NSMCE4A: variants seen among roughly 807,000 people sequenced by gnomAD.
NSMCE4A encodes non-structural maintenance of chromosomes element 4 homolog A.
A neutral mutation model predicts 47.9 loss-of-function variants in NSMCE4A; 40 were observed. That is an observed-to-expected ratio of 0.83 (90% CI 0.65 to 1.09). The LOEUF is 1.09. Among genes scored for constraint, NSMCE4A ranks in the 50% least tolerant of loss-of-function variants. NSMCE4A has a pLI of 0.00. For missense variants in NSMCE4A, 500 were observed against 507.0 expected, an observed-to-expected ratio of 0.99 and a Z score of 0.13; for synonymous variants, 166 against 178.5, an observed-to-expected ratio of 0.93 and a Z score of 0.56.
At chr10:121,969,993 G>A (rs1176447375) in intron 3 of NSMCE4A, among the ~76,000 whole-genome samples, 1 of 152,088 alleles carries the variant, frequency 6.6e-6, no homozygotes, top group East Asian at 1.9e-4. Context: ...TGGGATTACA[G>A]GCGTGAGCCA....
At chr10:121,963,589 C>G (rs572425949) in intron 5 of NSMCE4A, among the ~76,000 whole-genome samples, 1 of 134,950 alleles carries the variant, frequency 7.4e-6, no homozygotes, top group African/African-American at 2.6e-5. Flanking sequence ...CACCACTACA[C>G]CTGGCTAATT....
intron 7 of NSMCE4A, 72 bp downstream of exon 7, chr10:121,961,351 C>G: frequency 9.4e-7 from 1 of 1,064,292 alleles, no homozygotes; most frequent in Non-Finnish European, 1.3e-6. Context: ...TGCCAGCTCC[C>G]TTCTACAGCT....
chr10:121,963,330 T>A lies in NSMCE4A; in HGVS notation c.754-2A>T. ...ATGAGATTCTTCCATTCTTCTTAAC[T>A]GAAAAAAGTCATTATCAAGCTGACA... On this transcript the variant is annotated splice_acceptor_variant, in intron 5 of 10. Transcript: ENST00000369023. LOFTEE classifies it high-confidence loss of function. The A allele has an allele frequency of 6.3e-7, 1 of 1,584,924 alleles. No homozygotes were observed. Among genetic ancestry groups the A allele is most frequent in the Non-Finnish European group, 8.7e-7 (1 of 1,155,364 alleles).
intron 6 of NSMCE4A, 58 bp downstream of exon 6, chr10:121,963,180 G>C (rs1215409586): frequency 9.9e-7 from 1 of 1,006,850 alleles, no homozygotes; most frequent in Non-Finnish European, 1.5e-6. Context: ...TTAAATACAA[G>C]TAACCTCAGT....
intron 10 of NSMCE4A, 27 bp downstream of exon 10, chr10:121,959,297 G>A (rs1310045664): frequency 1.9e-6 from 3 of 1,573,700 alleles, no homozygotes; most frequent in Admixed American, 3.3e-5. Context: ...TAATAGAACT[G>A]TGTAGCCATC....
chr10:121,968,550 A>C (rs577809467), intron 3 of NSMCE4A, among the ~76,000 whole-genome samples: 5 of 152,296 alleles, frequency 3.3e-5, no homozygotes, highest in African/African-American at 9.6e-5. Flanking sequence ...GGCTCATCTT[A>C]AAATTGCCTT....
At chr10:121,958,963 T>C (rs901136963) in intron 10 of NSMCE4A, among the ~76,000 whole-genome samples, 1 of 152,084 alleles carries the variant, frequency 6.6e-6, no homozygotes, top group African/African-American at 2.4e-5. Flanking sequence ...TACAGGTGCA[T>C]GCCACCACGC....
chr10:121,962,246 G>C (rs1434328422), intron 6 of NSMCE4A: 1 of 195,198 alleles, frequency 5.1e-6, no homozygotes, highest in Non-Finnish European at 1.1e-5. Flanking sequence ...GTGAAACCCA[G>C]GTTCTACTAA....
intron 3 of NSMCE4A, among the ~76,000 whole-genome samples, chr10:121,968,332 AT>A (rs1285829480): frequency 1.3e-5 from 2 of 152,288 alleles, no homozygotes; most frequent in Non-Finnish European, 2.9e-5. Context: ...GCCCCCTGGG[AT>A]TTTTTGTATC....
chr10:121,964,970 G>A lies in NSMCE4A; in HGVS notation c.753+316C>T, dbSNP rs75087964. Reference sequence around the variant, plus strand: ...GGGCTATTAGCATATAACAGGTAGAGGCTGGGGATGCCGCTAAGCATCCTA... The same window carrying A: ...GGGCTATTAGCATATAACAGGTAGAAGCTGGGGATGCCGCTAAGCATCCTA... On this transcript the variant is annotated intron_variant, in intron 5 of 10. Coordinates refer to ENST00000369023, the MANE Select transcript of NSMCE4A (RefSeq NM_017615.3). 1.3e-3 allele frequency among the ~76,000 whole-genome samples: 202 copies of A among 152,246 alleles called. 3 individuals are homozygous for A. In the East Asian group the frequency reaches 0.033, roughly 25 times the overall value.
intron 1 of NSMCE4A, 80 bp from the exon 2 acceptor site, chr10:121,974,161 G>A (rs1187185017): frequency 7.3e-7 from 1 of 1,367,396 alleles, no homozygotes; most frequent in African/African-American, 1.4e-5. Flanking sequence ...ACCTGCAACA[G>A]TAAAGCCAAG....
At chr10:121,972,249 G>A (rs180929095) in intron 2 of NSMCE4A, among the ~76,000 whole-genome samples, 4 of 152,134 alleles carry the variant, frequency 2.6e-5, no homozygotes, top group African/African-American at 7.2e-5. Flanking sequence ...TTTAACCTGG[G>A]GGGGGCAGAG....
In NSMCE4A at chr10:121,974,018, GTGTT is replaced by G. The variant is rs1565001152; in HGVS notation, c.352_355del (p.Asn118LeufsTer37). 6.3e-7 allele frequency: 1 copy of G among 1,598,364 alleles called. No individual in the cohort carries two copies. Among genetic ancestry groups the G allele is most frequent in the Non-Finnish European group, 8.6e-7 (1 of 1,169,056 alleles). On this transcript the variant is annotated frameshift_variant, in exon 2 of 11. Transcript: ENST00000369023. LOFTEE classifies it high-confidence loss of function. ...TAACAAATTACCTTCATTAAACAGA[GTGTT>G]AGCCTCTTCAAGGACCTCTGTTAAT... is the stretch of plus-strand genomic sequence containing the variant.
chr10:121,961,441 A>G lies in NSMCE4A; in HGVS notation c.921T>C (p.His307=), dbSNP rs188519981. 1,364 of 1,572,406 alleles carry G rather than the reference A, an allele frequency of 8.7e-4. 23 individuals carry two copies. The East Asian group carries it at 0.025, about 29-fold the overall frequency. The change falls in exon 7 of 11, where the codon CAT becomes CAC. Residue 307 remains histidine (H), a synonymous_variant. Coordinates refer to ENST00000369023, the MANE Select transcript of NSMCE4A (RefSeq NM_017615.3). ...SFPRTVENIF[H]VSFIIRDGFA... ...ATCTTACCCGTATAATGAAGGAAAC[A>G]TGAAAGATGTTTTCCACTGTACGGG...
intron 6 of NSMCE4A, 75 bp from the exon 7 acceptor site, chr10:121,961,592 A>T: frequency 1.1e-6 from 1 of 891,484 alleles, no homozygotes; most frequent in Non-Finnish European, 1.7e-6. Context: ...TTAGCCAGAG[A>T]CAAAGAAAGG....
chr10:121,963,636 C>G (rs548050763), intron 5 of NSMCE4A, among the ~76,000 whole-genome samples: 1 of 150,188 alleles, frequency 6.7e-6, no homozygotes, highest in African/African-American at 2.4e-5. Flanking sequence ...GTCTAAGACA[C>G]CTGGCTAATT....
At chr10:121,969,323 G>A (rs1952662894) in intron 3 of NSMCE4A, among the ~76,000 whole-genome samples, 1 of 151,904 alleles carries the variant, frequency 6.6e-6, no homozygotes, top group Admixed American at 6.6e-5. Context: ...CAACACTCCA[G>A]CATGGGCAAC....
At chr10:121,971,496 G>A (rs1311813428) in intron 2 of NSMCE4A, among the ~76,000 whole-genome samples, 1 of 151,810 alleles carries the variant, frequency 6.6e-6, no homozygotes, top group African/African-American at 2.4e-5. Flanking sequence ...GTCAGAGCAA[G>A]AGGCTGTCTC....
chr10:121,974,612 G>A (rs1952781591), intron 1 of NSMCE4A: 2 of 1,058,062 alleles, frequency 1.9e-6, no homozygotes, highest in Middle Eastern at 4.4e-4. Flanking sequence ...GGGCTCGGGC[G>A]AGTCCGCGAA....
Sources: gnomAD v4.1 joint callset for allele counts (sites outside exome capture counted in the v4.1 genomes callset) on GRCh38, gnomAD v4.1.1 for gene constraint, MANE v1.5 for transcripts, NCBI Gene and HGNC (gene_info 2026-07-23, HGNC 2026-07-21) for gene names.